Variants in GPC6 observed in about 807,000 individuals in gnomAD.
The protein encoded by GPC6 is glypican-6.
GPC6 carries 14 observed loss-of-function variants against 55.2 expected under a neutral mutation model. The observed-to-expected ratio is 0.25, with a 90% CI of 0.17 to 0.40. The LOEUF (loss-of-function observed/expected upper bound fraction) is 0.40, where lower values mean the gene tolerates loss of function less well. GPC6 is among the 10% of genes least tolerant of loss of function. GPC6 has a pLI of 1.00. For missense variants in GPC6, 641 were observed against 708.5 expected, an observed-to-expected ratio of 0.90 and a Z score of 1.08; for synonymous variants, 278 against 259.6, an observed-to-expected ratio of 1.07 and a Z score of -0.68.
intron 2 of GPC6, among the ~76,000 whole-genome samples, chr13:93,694,548 G>C (rs1882378721): frequency 6.6e-6 from 1 of 152,106 alleles, no homozygotes; most frequent in South Asian, 2.1e-4. Context: ...TGTTGAAAGT[G>C]GTAATGCTCA....
rs1231160193 is a variant in GPC6 at position 93,369,633 on chromosome 13, T to C, written c.160+142017T>C. On this transcript the variant is annotated intron_variant, in intron 1 of 8. Coordinates refer to ENST00000377047, the MANE Select transcript of GPC6 (RefSeq NM_005708.5). ...GATAATCATGTTTGGATATTCTAGT[T>C]TGAGCAGAATTAGAAGCTCAAAAGT... Among the ~76,000 whole-genome samples, 3 of 152,264 alleles carry C rather than the reference T, an allele frequency of 2.0e-5. No homozygotes were observed. In the East Asian group the frequency reaches 5.8e-4, roughly 29 times the overall value.
chr13:94,135,812 G>A (rs552567245), intron 4 of GPC6, among the ~76,000 whole-genome samples: 1 of 152,300 alleles, frequency 6.6e-6, no homozygotes, highest in African/African-American at 2.4e-5. Context: ...ACGCAAGGTG[G>A]TTAAGCACTG....
In GPC6 at chr13:94,376,617, A is replaced by G. The variant is rs1266120722; in HGVS notation, c.1153-5797A>G. On this transcript the variant is annotated intron_variant, in intron 6 of 8. Transcript: ENST00000377047. ...AAGAATCAATATCGTGAAAATGGCCATACTGCCCAAGGTAATTTACAGATT... is the reference window on the plus strand; with the variant it reads ...AAGAATCAATATCGTGAAAATGGCCGTACTGCCCAAGGTAATTTACAGATT... Among the ~76,000 whole-genome samples the G allele has an allele frequency of 4.6e-3, 703 of 151,984 alleles. 16 individuals are homozygous for G. In the East Asian group the frequency reaches 0.071, roughly 15 times the overall value.
At chr13:93,789,639 A>ATATAGTATT (rs1885962706) in intron 2 of GPC6, among the ~76,000 whole-genome samples, 1 of 100,056 alleles carries the variant, frequency 1.0e-5, no homozygotes, top group African/African-American at 3.7e-5. Context: ...ATATATATAT[A>ATATAGTATT]TATATAGTAT....
chr13:93,751,729 T>C (rs969137657), intron 2 of GPC6, among the ~76,000 whole-genome samples: 6 of 152,086 alleles, frequency 3.9e-5, no homozygotes, highest in Middle Eastern at 3.4e-3. Flanking sequence ...TCTCACCATC[T>C]TGCCCAGGGT....
intron 1 of GPC6, among the ~76,000 whole-genome samples, chr13:93,470,841 C>G (rs1879084847): frequency 6.6e-6 from 1 of 151,492 alleles, no homozygotes; most frequent in South Asian, 2.1e-4. Flanking sequence ...AAATGTTATC[C>G]ATTTCATCAT....
intron 1 of GPC6, among the ~76,000 whole-genome samples, chr13:93,532,609 T>A (rs1042836842): frequency 1.3e-5 from 2 of 152,164 alleles, no homozygotes; most frequent in African/African-American, 4.8e-5. Context: ...TGCTTTGCCT[T>A]CCCACACTGC....
intron 4 of GPC6, among the ~76,000 whole-genome samples, chr13:94,225,733 T>C (rs1890535863): frequency 1.3e-5 from 2 of 151,746 alleles, no homozygotes; most frequent in Non-Finnish European, 2.9e-5. Flanking sequence ...AACAAGACTG[T>C]GTATTAATCA....
chr13:94,108,447 C>T (rs958525705), intron 4 of GPC6, among the ~76,000 whole-genome samples: 42 of 152,120 alleles, frequency 2.8e-4, no homozygotes, highest in African/African-American at 9.9e-4. Context: ...GCTTAGGTGA[C>T]GGGTGCACCG....
At chr13:93,590,861 A>G (rs946512397) in intron 2 of GPC6, among the ~76,000 whole-genome samples, 2 of 152,176 alleles carry the variant, frequency 1.3e-5, no homozygotes, top group African/African-American at 2.4e-5. Flanking sequence ...TGATGCTTAC[A>G]TGACCGACAG....
intron 4 of GPC6, among the ~76,000 whole-genome samples, chr13:94,237,281 C>G (rs1202446120): frequency 6.7e-6 from 1 of 150,176 alleles, no homozygotes; most frequent in Non-Finnish European, 1.5e-5. Flanking sequence ...TTCTTCTTTC[C>G]CCCTTTCTTC....
At chr13:93,829,879 A>G (rs1400008577) in intron 2 of GPC6, among the ~76,000 whole-genome samples, 1 of 152,212 alleles carries the variant, frequency 6.6e-6, no homozygotes, top group Non-Finnish European at 1.5e-5. Flanking sequence ...TTAACAAGAA[A>G]TGATTAAAGA....
intron 3 of GPC6, among the ~76,000 whole-genome samples, chr13:93,884,089 A>G (rs1875169809): frequency 6.6e-6 from 1 of 152,134 alleles, no homozygotes; most frequent in Admixed American, 6.6e-5. Context: ...TTTTCATGTA[A>G]GAAAAGGTGC....
At chr13:93,660,036 A>G (rs1406036533) in intron 2 of GPC6, among the ~76,000 whole-genome samples, 2 of 152,124 alleles carry the variant, frequency 1.3e-5, no homozygotes, top group Admixed American at 6.5e-5. Flanking sequence ...TTTTATTGCT[A>G]TAATCAGCAT....
chr13:93,621,294 C>G (rs3904305), intron 2 of GPC6, among the ~76,000 whole-genome samples: 1 of 152,122 alleles, frequency 6.6e-6, no homozygotes, highest in African/African-American at 2.4e-5. Context: ...TTGGCCTTCA[C>G]CTTACTTAAA....
At chr13:94,054,349 A>G (rs1884058527) in intron 4 of GPC6, among the ~76,000 whole-genome samples, 1 of 152,208 alleles carries the variant, frequency 6.6e-6, no homozygotes, top group Non-Finnish European at 1.5e-5. Flanking sequence ...GTGAACCTGA[A>G]CAGTGGTAAA....
chr13:93,360,889 C>A (rs116910188), intron 1 of GPC6, among the ~76,000 whole-genome samples: 3 of 152,112 alleles, frequency 2.0e-5, no homozygotes, highest in Non-Finnish European at 4.4e-5. Context: ...GATGTGGAAG[C>A]CTTTAACTCC....
intron 1 of GPC6, among the ~76,000 whole-genome samples, chr13:93,315,012 AG>A (rs1174709896): frequency 6.6e-6 from 1 of 152,150 alleles, no homozygotes; most frequent in African/African-American, 2.4e-5. Context: ...TCAAGTTAAA[AG>A]TTGAAAACAG....
At chr13:94,050,681 A>C (rs1479512375) in intron 4 of GPC6, among the ~76,000 whole-genome samples, 2 of 152,172 alleles carry the variant, frequency 1.3e-5, no homozygotes, top group Non-Finnish European at 2.9e-5. Flanking sequence ...TTCAGAGAGC[A>C]ACATGATTTT....
Sources: gnomAD v4.1 joint callset for allele counts (sites outside exome capture counted in the v4.1 genomes callset) on GRCh38, gnomAD v4.1.1 for gene constraint, MANE v1.5 for transcripts, NCBI Gene and HGNC (gene_info 2026-07-23, HGNC 2026-07-21) for gene names.